CDH4: variants seen among roughly 807,000 people sequenced by gnomAD.
CDH4 encodes cadherin-4.
A neutral mutation model predicts 86.0 loss-of-function variants in CDH4; 33 were observed. The ratio of observed to expected loss-of-function variants is 0.38; its 90% CI spans 0.29 to 0.51. The LOEUF is 0.51. Ranked by LOEUF, CDH4 falls within the 20% of genes least tolerant of loss-of-function variation. The pLI is 0.86. For missense variants in CDH4, 1,114 were observed against 1,307.4 expected (o/e 0.85, Z 2.28); for synonymous variants, 555 against 549.4 (o/e 1.01, Z -0.14).
intron 2 of CDH4, among the ~76,000 whole-genome samples, chr20:61,472,169 G>T (rs1469829366): frequency 6.6e-6 from 1 of 152,098 alleles, no homozygotes; most frequent in African/African-American, 2.4e-5. Context: ...ATTTGCTTTA[G>T]ATATCTGGGT....
chr20:61,295,457 G>A (rs1330237399), intron 2 of CDH4, among the ~76,000 whole-genome samples: 7 of 152,256 alleles, frequency 4.6e-5, no homozygotes, highest in Admixed American at 4.6e-4. Flanking sequence ...GTGATGCTGA[G>A]ATGCAGTTGT....
intron 2 of CDH4, among the ~76,000 whole-genome samples, chr20:61,442,287 G>T (rs932345352): frequency 6.6e-6 from 1 of 152,284 alleles, no homozygotes; most frequent in South Asian, 2.1e-4. Flanking sequence ...GCATCACACC[G>T]GGTGTGGATG....
At position 61,352,305 on chromosome 20, in the gene CDH4, G is replaced by A. The variant is rs1296741042; in HGVS notation, c.169+97368G>A. On this transcript the variant is annotated intron_variant, in intron 2 of 15. Transcript: ENST00000614565. ...TATATATTGAAATACATGCCGTGTC[G>A]GAACAAAGAGTTTTACCTCGTTTAA... is the stretch of plus-strand genomic sequence containing the variant. Among the ~76,000 whole-genome samples the A allele has an allele frequency of 2.0e-5, 3 of 152,050 alleles. No homozygotes were observed. The East Asian group carries it at 5.8e-4, about 29-fold the overall frequency.
At chr20:61,371,729 A>T (rs2084841656) in intron 2 of CDH4, among the ~76,000 whole-genome samples, 1 of 152,232 alleles carries the variant, frequency 6.6e-6, no homozygotes, top group Admixed American at 6.5e-5. Context: ...TGGAGACCTC[A>T]TCACGCACAG....
At chr20:61,260,755 G>T (rs1027100248) in intron 2 of CDH4, among the ~76,000 whole-genome samples, 6 of 152,212 alleles carry the variant, frequency 3.9e-5, no homozygotes, top group African/African-American at 1.4e-4. Flanking sequence ...CTCTGGGGGT[G>T]GTCCTTGCCT....
intron 2 of CDH4, among the ~76,000 whole-genome samples, chr20:61,447,892 AC>A (rs2085361049): frequency 1.3e-5 from 2 of 152,058 alleles, no homozygotes; most frequent in African/African-American, 2.4e-5. Flanking sequence ...ATATTTTCCA[AC>A]ACTTTCCCCA....
chr20:61,522,502 T>G (rs996267244), intron 2 of CDH4, among the ~76,000 whole-genome samples: 1 of 152,272 alleles, frequency 6.6e-6, no homozygotes, highest in African/African-American at 2.4e-5. Flanking sequence ...TGTTTCCATC[T>G]TGGAATGGAA....
chr20:61,462,591 C>CAGACCTGGGTGCCGAAAG, intron 2 of CDH4, among the ~76,000 whole-genome samples: 1 of 152,144 alleles, frequency 6.6e-6, no homozygotes. Context: ...TGCTCCTGAG[C>CAGACCTGGGTGCCGAAAG]CTCCCTCAGC....
chr20:61,873,946 C>T (rs1983913668), intron 7 of CDH4, 46 bp downstream of exon 7: 2 of 1,597,016 alleles, frequency 1.3e-6, no homozygotes, highest in East Asian at 4.5e-5. Context: ...GCTCCTGGTC[C>T]CCGCAGGACA....
intron 2 of CDH4, among the ~76,000 whole-genome samples, chr20:61,444,060 C>CTG: frequency 2.9e-5 from 1 of 34,224 alleles, no homozygotes. Flanking sequence ...CTCTGGTTGT[C>CTG]TGTGTGTGTG....
intron 2 of CDH4, among the ~76,000 whole-genome samples, chr20:61,319,379 G>A (rs187773545): frequency 1.3e-5 from 2 of 152,192 alleles, no homozygotes; most frequent in Admixed American, 6.5e-5. Flanking sequence ...CGGGAAGCAG[G>A]GCTAGATCGC....
chr20:61,537,483 C>T (rs1439571872), intron 2 of CDH4, among the ~76,000 whole-genome samples: 2 of 152,194 alleles, frequency 1.3e-5, no homozygotes, highest in African/African-American at 4.8e-5. Flanking sequence ...GGACCGCAAC[C>T]TCACAGCCAG....
intron 7 of CDH4, among the ~76,000 whole-genome samples, chr20:61,883,578 C>T (rs1600735268): frequency 6.6e-6 from 1 of 152,218 alleles, no homozygotes; most frequent in South Asian, 2.1e-4. Context: ...AGGGCAAGGG[C>T]TCCAAGAGCC....
intron 7 of CDH4, among the ~76,000 whole-genome samples, chr20:61,893,741 GTGGA>G (rs529206223): frequency 7.2e-6 from 1 of 139,808 alleles, no homozygotes; most frequent in Non-Finnish European, 1.5e-5. Context: ...GGGTGGGTGA[GTGGA>G]TGGATGGATG....
At chr20:61,719,028 A>G (rs2087999778) in intron 2 of CDH4, 1 of 471,088 alleles carries the variant, frequency 2.1e-6, no homozygotes, top group African/African-American at 2.0e-5. Flanking sequence ...TCTAAGTGTG[A>G]TGAGAGAAGG....
At chr20:61,603,761 C>T (rs897342140) in intron 2 of CDH4, among the ~76,000 whole-genome samples, 12 of 152,188 alleles carry the variant, frequency 7.9e-5, no homozygotes, top group African/African-American at 2.7e-4. Context: ...GTCAGGAAGC[C>T]TGCCTAGGTG....
chr20:61,506,281 C>T (rs1057132526), intron 2 of CDH4, among the ~76,000 whole-genome samples: 1 of 152,210 alleles, frequency 6.6e-6, no homozygotes, highest in African/African-American at 2.4e-5. Flanking sequence ...TCTCTGTCCT[C>T]ATTAAAATCC....
chr20:61,499,907 G>T (rs2085688350), intron 2 of CDH4, among the ~76,000 whole-genome samples: 1 of 152,180 alleles, frequency 6.6e-6, no homozygotes, highest in African/African-American at 2.4e-5. Flanking sequence ...TCTGTCTGTG[G>T]CAGGGGTGGT....
At chr20:61,625,482 C>T (rs530403021) in intron 2 of CDH4, among the ~76,000 whole-genome samples, 3 of 152,082 alleles carry the variant, frequency 2.0e-5, no homozygotes, top group Non-Finnish European at 4.4e-5. Context: ...ATGTGGGAGT[C>T]GGAAGCATGA....
Sources: allele counts gnomAD v4.1 joint callset (sites outside exome capture counted in the v4.1 genomes callset), GRCh38; gene constraint gnomAD v4.1.1; transcripts MANE v1.5; gene names NCBI Gene and HGNC (gene_info 2026-07-23, HGNC 2026-07-21).